DPF2: variants seen among roughly 807,000 people sequenced by gnomAD.
DPF2 encodes the protein double PHD fingers 2.
Under a neutral mutation model 59.6 loss-of-function variants are expected in DPF2, and 10 were observed. That is an observed-to-expected ratio of 0.17 (90% CI 0.10 to 0.28). The LOEUF (loss-of-function observed/expected upper bound fraction) is 0.28, where lower values mean the gene tolerates loss of function less well. DPF2 is among the 10% of genes least tolerant of loss of function. The pLI is 1.00. For synonymous variants in DPF2, 189 were observed against 190.6 expected (o/e 0.99, Z 0.07); for missense variants, 315 against 509.4 (o/e 0.62, Z 3.67).
At chr11:65,334,570 A>G (rs1478958188) in intron 1 of DPF2, among the ~76,000 whole-genome samples, 4 of 152,226 alleles carry the variant, frequency 2.6e-5, no homozygotes, top group Non-Finnish European at 2.9e-5. Context: ...GCCGTTCAGG[A>G]CAGCTTAGCC....
intron 10 of DPF2, 52 bp from the exon 11 acceptor site, chr11:65,351,631 G>A: frequency 6.6e-7 from 1 of 1,510,466 alleles, no homozygotes; most frequent in South Asian, 1.1e-5. Flanking sequence ...GGAATTGCAA[G>A]CAGGTGGGGA....
In DPF2 at chr11:65,345,739, G is replaced by A. The variant is rs766555584; in HGVS notation, c.711G>A (p.Glu237=). ...HYAHSHLAEE[E]GEDKEDSQPP... ...CCCACTCCCACTTGGCTGAGGAGGA[G>A]GGCGAGGACAAGGAAGACTCTCAAC... Residue 237 remains glutamate, a synonymous_variant, in exon 7 of 11, where the codon GAG becomes GAA. Coordinates refer to ENST00000528416, the MANE Select transcript of DPF2 (RefSeq NM_006268.5). 1.9e-6 allele frequency: 3 copies of A among 1,614,152 alleles called. No individual in the cohort carries two copies. The highest frequency in any genetic ancestry group is 2.5e-6 in the Non-Finnish European group (3 of 1,180,038).
rs1440701138 is a variant in DPF2 at position 65,343,817 on chromosome 11, C to T, written c.538C>T (p.Arg180Trp). 3 of 1,587,184 alleles carry T rather than the reference C, an allele frequency of 1.9e-6. No homozygotes were observed. Among genetic ancestry groups the T allele is most frequent in the Non-Finnish European group, 8.6e-7 (1 of 1,166,110 alleles). The change falls in exon 5 of 11, where the codon CGG becomes TGG. Residue 180 changes from arginine (R) to tryptophan (W), a missense_variant. Physicochemically the swap from Arg to Trp is moderately radical, Grantham distance 101. This residue lies in a region of DPF2 where 228 missense variants were observed against 275.3 expected (regional missense o/e 0.83). Coordinates refer to ENST00000528416, the MANE Select transcript of DPF2 (RefSeq NM_006268.5). ...EDYEEDTPKR[R>W]GKGKSKGKGV... ...CTATGAAGAAGATACTCCCAAGCGT[C>T]GGGGAAAGGGGAAATCCAAGGTGAG...
intron 4 of DPF2, among the ~76,000 whole-genome samples, chr11:65,342,809 G>A (rs936293044): frequency 8.1e-5 from 12 of 148,150 alleles, no homozygotes; most frequent in African/African-American, 2.8e-4. Flanking sequence ...TCAGGAGATC[G>A]AGACCATCCT....
chr11:65,337,515 A>AG, intron 1 of DPF2, among the ~76,000 whole-genome samples: 1 of 120,332 alleles, frequency 8.3e-6, no homozygotes, highest in African/African-American at 3.4e-5. Context: ...AGAGAGAGAG[A>AG]GAGAGAGAGA....
intron 6 of DPF2, chr11:65,344,654 T>C (rs1037918863): frequency 5.2e-6 from 8 of 1,534,140 alleles, no homozygotes; most frequent in African/African-American, 2.7e-5. Context: ...CTTGTGGTTT[T>C]CCTTTCCCTT....
chr11:65,337,504 TAGAG>T (rs1188984367), intron 1 of DPF2, among the ~76,000 whole-genome samples: 329 of 21,298 alleles, frequency 0.015, 8 homozygotes, highest in South Asian at 0.032. Context: ...TATATATATA[TAGAG>T]AGAGAGAGAG....
chr11:65,342,306 TG>T (rs1854397322), intron 4 of DPF2, among the ~76,000 whole-genome samples: 1 of 151,672 alleles, frequency 6.6e-6, no homozygotes, highest in Non-Finnish European at 1.5e-5. Flanking sequence ...AAAAATTAGC[TG>T]GGCATGGTGG....
chr11:65,340,529 G>A lies in DPF2; in HGVS notation c.177G>A (p.Lys59=), dbSNP rs549275369. ...AQSNCYIWME[K]RHRGPGLASG... is the part of the protein sequence containing the mutation. ...GCAATTGTTACATCTGGATGGAAAA[G>A]CGACACCGGGGTCCAGGTGAGGGTC... The change falls in exon 2 of 11, where the codon AAG becomes AAA. Residue 59 remains lysine, a synonymous_variant. Transcript: ENST00000528416. 1 of 1,614,204 alleles carries A rather than the reference G, an allele frequency of 6.2e-7. No individual in the cohort carries two copies. Among genetic ancestry groups the A allele is most frequent in the East Asian group, 2.2e-5 (1 of 44,884 alleles).
At chr11:65,336,507 G>A (rs1950096839) in intron 1 of DPF2, among the ~76,000 whole-genome samples, 1 of 151,684 alleles carries the variant, frequency 6.6e-6, no homozygotes, top group Non-Finnish European at 1.5e-5. Context: ...AAAAGAAAGA[G>A]GCTGTTGGGC....
chr11:65,337,492 T>G (rs1458988327), intron 1 of DPF2, among the ~76,000 whole-genome samples: 33 of 67,404 alleles, frequency 4.9e-4, no homozygotes, highest in Non-Finnish European at 8.4e-4. Flanking sequence ...TATATATATA[T>G]ATATATATAT....
At chr11:65,337,518 G>T (rs1192254951) in intron 1 of DPF2, among the ~76,000 whole-genome samples, 33 of 131,074 alleles carry the variant, frequency 2.5e-4, no homozygotes, top group African/African-American at 5.5e-4. Context: ...GAGAGAGAGA[G>T]AGAGAGAGAG....
chr11:65,343,946 G>C (rs764803361), intron 5 of DPF2, 45 bp from the exon 6 acceptor site: 2 of 1,612,914 alleles, frequency 1.2e-6, no homozygotes, highest in Middle Eastern at 3.3e-4. Context: ...TAACTCCTCA[G>C]GCCCAGCTAC....
intron 1 of DPF2, among the ~76,000 whole-genome samples, chr11:65,337,798 G>GT (rs1021270571): frequency 5.4e-5 from 8 of 149,292 alleles, no homozygotes; most frequent in African/African-American, 7.4e-5. Context: ...TGTTTGTTTT[G>GT]TTTTTTTTAA....
chr11:65,340,915 A>G (rs1854348166), intron 2 of DPF2, 51 bp from the exon 3 acceptor site: 3 of 1,561,828 alleles, frequency 1.9e-6, no homozygotes, highest in East Asian at 2.3e-5. Flanking sequence ...GTTTGGTATT[A>G]CTTTCTAATA....
intron 1 of DPF2, among the ~76,000 whole-genome samples, chr11:65,334,611 A>G (rs1950072080): frequency 6.6e-6 from 1 of 152,180 alleles, no homozygotes; most frequent in Non-Finnish European, 1.5e-5. Flanking sequence ...CATTCTTCCT[A>G]TTATACGATA....
At chr11:65,341,157 C>T in intron 3 of DPF2, 84 bp downstream of exon 3, 1 of 1,431,160 alleles carries the variant, frequency 7.0e-7, no homozygotes, top group Non-Finnish European at 9.7e-7. Flanking sequence ...AGGCCCAGTA[C>T]TAGATCCCAA....
At chr11:65,344,981 C>T in intron 6 of DPF2, 1 of 309,898 alleles carries the variant, frequency 3.2e-6, no homozygotes, top group South Asian at 8.2e-5. Context: ...CATCCTCTCT[C>T]CCCACTCCTT....
Position 65,351,755 on chromosome 11 carries a change from C to G in DPF2, c.1172C>G (p.Ser391Cys), listed in dbSNP as rs1453519526. The change falls in exon 11 of 11, where the codon TCT becomes TGT. Residue 391 changes from serine to cysteine, a missense_variant. Transcript: ENST00000528416. ...TCCATCTACCAGAACCAGAACTCCT[C>G]TTGATGTGGCCACCCACCTGCTCCC... ...KASIYQNQNS[S>C] The G allele has an allele frequency of 6.2e-7, 1 of 1,612,862 alleles. No homozygotes were observed.
Sources: allele counts gnomAD v4.1 joint callset (sites outside exome capture counted in the v4.1 genomes callset), GRCh38; gene constraint gnomAD v4.1.1; regional missense constraint gnomAD v4.1.1; transcripts MANE v1.5; gene names NCBI Gene and HGNC (gene_info 2026-07-23, HGNC 2026-07-21).